ZMAT3: variants seen among roughly 807,000 people sequenced by gnomAD.
ZMAT3 encodes zinc finger matrin-type protein 3.
Under a neutral mutation model 32.3 loss-of-function variants are expected in ZMAT3, and 17 were observed. The ratio of observed to expected loss-of-function variants is 0.53; its 90% CI spans 0.36 to 0.79. The LOEUF is 0.79. Ranked by LOEUF, ZMAT3 falls within the 30% of genes least tolerant of loss-of-function variation. The probability of loss-of-function intolerance (pLI) is 0.00; values close to 1 mark genes in which losing one functional copy is unlikely to be tolerated. For missense variants in ZMAT3, 329 were observed against 359.7 expected, an observed-to-expected ratio of 0.91 and a Z score of 0.69; for synonymous variants, 120 against 133.1, an observed-to-expected ratio of 0.90 and a Z score of 0.68.
chr3:179,037,493 G>A (rs776302560), intron 2 of ZMAT3, among the ~76,000 whole-genome samples: 3 of 152,168 alleles, frequency 2.0e-5, no homozygotes, highest in South Asian at 2.1e-4. Context: ...CAGGATCCAG[G>A]CCAAGGCACA....
chr3:179,033,196 G>A lies in ZMAT3; in HGVS notation c.271-2197C>T, dbSNP rs188123974. ...AATCTATAACCTTACCCCCAACCCCGTGCTCTCTGAAACATGTGCTGTGTC... is the reference window on the plus strand; with the variant it reads ...AATCTATAACCTTACCCCCAACCCCATGCTCTCTGAAACATGTGCTGTGTC... On this transcript the variant is annotated intron_variant, in intron 2 of 5. Coordinates refer to ENST00000311417, the MANE Select transcript of ZMAT3 (RefSeq NM_022470.4). Among the ~76,000 whole-genome samples, 266 of 152,256 alleles carry A rather than the reference G, an allele frequency of 1.7e-3. 4 individuals are homozygous for A. The highest frequency in any genetic ancestry group is 0.014 in the Admixed American group (213 of 15,294).
chr3:179,027,277 C>T, intron 5 of ZMAT3, 146 bp downstream of exon 5: 1 of 538,016 alleles, frequency 1.9e-6, no homozygotes, highest in Non-Finnish European at 3.2e-6. Context: ...AAATACACAC[C>T]AGCCTGAAAG....
chr3:179,040,340 G>A (rs925373901), intron 2 of ZMAT3, among the ~76,000 whole-genome samples: 22 of 152,238 alleles, frequency 1.4e-4, no homozygotes, highest in Admixed American at 1.2e-3. Context: ...GAGAAAGGTC[G>A]AGTTACCCAC....
intron 2 of ZMAT3, among the ~76,000 whole-genome samples, chr3:179,040,243 T>C (rs952469999): frequency 5.3e-5 from 8 of 152,170 alleles, no homozygotes; most frequent in Non-Finnish European, 1.2e-4. Flanking sequence ...GCCACAAAGA[T>C]ACTCCTTGGG....
chr3:179,043,699 C>T (rs1354802359), intron 2 of ZMAT3, among the ~76,000 whole-genome samples: 1 of 152,116 alleles, frequency 6.6e-6, no homozygotes, highest in South Asian at 2.1e-4. Context: ...AAAGCAATGG[C>T]AACAAAAGCC....
intron 2 of ZMAT3, among the ~76,000 whole-genome samples, chr3:179,048,550 T>G (rs1209953305): frequency 6.6e-6 from 1 of 152,188 alleles, no homozygotes; most frequent in African/African-American, 2.4e-5. Context: ...GAACTTTGTA[T>G]CCAGTGAAAC....
chr3:179,064,864 C>T (rs957431616), intron 2 of ZMAT3, among the ~76,000 whole-genome samples: 5 of 137,438 alleles, frequency 3.6e-5, no homozygotes, highest in African/African-American at 1.1e-4. Context: ...GTTATGTTCA[C>T]ACTCTGTTTA....
chr3:179,040,688 G>A (rs145412801), intron 2 of ZMAT3, among the ~76,000 whole-genome samples: 2,576 of 152,224 alleles, frequency 0.017, 36 homozygotes, highest in South Asian at 0.028. Flanking sequence ...AAAACAACCA[G>A]CAAACATCAT....
At position 179,024,773 on chromosome 3, in the gene ZMAT3, G is replaced by A. The variant is rs1718769834; in HGVS notation, c.*244C>T. On this transcript the variant is annotated 3_prime_UTR_variant, in exon 6 of 6. Coordinates refer to ENST00000311417, the MANE Select transcript of ZMAT3 (RefSeq NM_022470.4). ...ATGGGGTAGGTAGGTCACATGCTAT[G>A]AGCGGCTCAACACCATTGACCCTGC... 4 of 470,474 alleles carry A rather than the reference G, an allele frequency of 8.5e-6. No individual in the cohort carries two copies. Among genetic ancestry groups the A allele is most frequent in the Admixed American group, 3.3e-5 (1 of 30,496 alleles). The allele number at this position is 470,474 out of a possible 1,614,324, so 29.1% of individuals were successfully genotyped here.
intron 1 of ZMAT3, among the ~76,000 whole-genome samples, chr3:179,068,787 G>A (rs1167019721): frequency 1.3e-5 from 2 of 152,200 alleles, no homozygotes; most frequent in Non-Finnish European, 2.9e-5. Flanking sequence ...CAGATGTGCT[G>A]TTTGGAATAT....
intron 1 of ZMAT3, among the ~76,000 whole-genome samples, chr3:179,068,699 T>C (rs2108593672): frequency 6.6e-6 from 1 of 152,372 alleles, no homozygotes; most frequent in Non-Finnish European, 1.5e-5. Context: ...ATGTTCCTTC[T>C]GATCAACTAG....
chr3:179,041,253 C>G (rs1719910317), intron 2 of ZMAT3, among the ~76,000 whole-genome samples: 1 of 152,206 alleles, frequency 6.6e-6, no homozygotes. Context: ...CTACAGAACT[C>G]TCCACCCCAA....
chr3:179,030,724 T>C (rs1333134182), intron 3 of ZMAT3, among the ~76,000 whole-genome samples, 156 bp downstream of exon 3: 1 of 152,204 alleles, frequency 6.6e-6, no homozygotes, highest in Non-Finnish European at 1.5e-5. Context: ...TCCAGCACTG[T>C]AGTTCAAGGA....
Position 179,023,668 on chromosome 3 carries a change from G to A in ZMAT3, c.*1349C>T, listed in dbSNP as rs1576831988. The A allele has an allele frequency of 1.1e-5, 1 of 92,958 alleles. No homozygotes were observed. The highest frequency in any genetic ancestry group is 4.5e-5 in the African/African-American group (1 of 22,306). 5.8% of individuals were successfully genotyped at this position (92,958 alleles called of 1,614,324 possible). ...AAATTGGAAAATCAAACACACCTTT[G>A]TTTCCTAAAAACTGCTGGAAAATAT... On this transcript the variant is annotated 3_prime_UTR_variant, in exon 6 of 6. Coordinates refer to ENST00000311417, the MANE Select transcript of ZMAT3 (RefSeq NM_022470.4).
intron 2 of ZMAT3, among the ~76,000 whole-genome samples, chr3:179,048,092 C>T (rs1361410379): frequency 6.6e-6 from 1 of 152,052 alleles, no homozygotes; most frequent in Non-Finnish European, 1.5e-5. Context: ...TTTGAATTAA[C>T]CCAAATTGAT....
rs550640641 is a variant in ZMAT3, at chr3:179,037,244, T to C, written c.271-6245A>G. 2.0e-5 allele frequency among the ~76,000 whole-genome samples: 3 copies of C among 152,280 alleles called. No homozygotes were observed. The East Asian group carries it at 5.8e-4, about 29-fold the overall frequency. On this transcript the variant is annotated intron_variant, in intron 2 of 5. Transcript: ENST00000311417. ...GACCGACTGAGCTGTAACATGCCCC[T>C]GTTCGCCAAGCTGCAGGTGGCAGGA... is the stretch of plus-strand genomic sequence containing the variant.
intron 1 of ZMAT3, among the ~76,000 whole-genome samples, chr3:179,068,070 G>C (rs896379288): frequency 6.6e-6 from 1 of 152,092 alleles, no homozygotes; most frequent in African/African-American, 2.4e-5. Flanking sequence ...CCTTTGGCCC[G>C]TGAACATTAA....
At position 179,025,011 on chromosome 3, in the gene ZMAT3, TA is replaced by T. The variant is rs777486686; in HGVS notation, c.*5del. ...GAAAAGCTGCTCTATCTTAATATGA[TA>T]ATCACTATACATATCCCAGATTCTC... On this transcript the variant is annotated 3_prime_UTR_variant, in exon 6 of 6. Coordinates refer to ENST00000311417, the MANE Select transcript of ZMAT3 (RefSeq NM_022470.4). 2.5e-6 allele frequency: 4 copies of T among 1,613,306 alleles called. No homozygotes were observed. Among genetic ancestry groups the T allele is most frequent in the Non-Finnish European group, 3.4e-6 (4 of 1,179,390 alleles).
At position 179,067,575 on chromosome 3, in the gene ZMAT3, C is replaced by G; in HGVS notation, c.178G>C (p.Asp60His). The G allele has an allele frequency of 1.2e-6, 2 of 1,614,210 alleles. No homozygotes were observed. The highest frequency in any genetic ancestry group is 1.7e-6 in the Non-Finnish European group (2 of 1,180,038). The part of the protein sequence containing the change: ...EEELSKGGEQ[D>H]CALEELCKPL... ...TTACATAGCTCCTCCAGGGCACAGT[C>G]TTGCTCCCCTCCCTTCGATAACTCT... Residue 60 changes from aspartate to histidine, a missense_variant, in exon 2 of 6, where the codon GAC (aspartate) becomes CAC (histidine). Coordinates refer to ENST00000311417, the MANE Select transcript of ZMAT3 (RefSeq NM_022470.4).
Sources: allele counts gnomAD v4.1 joint callset (sites outside exome capture counted in the v4.1 genomes callset), GRCh38; gene constraint gnomAD v4.1.1; transcripts MANE v1.5; gene names NCBI Gene and HGNC (gene_info 2026-07-23, HGNC 2026-07-21).